Variants in NSD1 observed in about 807,000 individuals in gnomAD.
NSD1 encodes histone-lysine N-methyltransferase, H3 lysine-36 specific.
Under a neutral mutation model 242.7 loss-of-function variants are expected in NSD1, and 26 were observed. The ratio of observed to expected loss-of-function variants is 0.11; its 90% CI spans 0.08 to 0.15. The LOEUF is 0.15. NSD1 is among the 10% of genes least tolerant of loss of function. The probability of loss-of-function intolerance (pLI) is 1.00; values close to 1 mark genes in which losing one functional copy is unlikely to be tolerated. For synonymous variants in NSD1, 1,106 were observed against 1,178.1 expected (o/e 0.94, Z 1.25); for missense variants, 2,495 against 3,272.8 (o/e 0.76, Z 5.80).
intron 2 of NSD1, chr5:177,169,304 T>A (rs1028596553): frequency 2.0e-5 from 3 of 153,722 alleles, no homozygotes; most frequent in African/African-American, 7.3e-5. Flanking sequence ...AAACGACGAC[T>A]TTTTTTTTAG....
chr5:177,157,325 T>C (rs1412592987), intron 2 of NSD1, among the ~76,000 whole-genome samples: 2 of 152,018 alleles, frequency 1.3e-5, no homozygotes, highest in Non-Finnish European at 2.9e-5. Flanking sequence ...GAGATCGTGC[T>C]GTTGCACTCC....
intron 3 of NSD1, among the ~76,000 whole-genome samples, chr5:177,198,887 T>C (rs1762298990): frequency 6.6e-6 from 1 of 152,218 alleles, no homozygotes; most frequent in South Asian, 2.1e-4. Flanking sequence ...AACCCCATAC[T>C]CTTTAGCTTC....
chr5:177,273,848 C>A, intron 17 of NSD1, 64 bp downstream of exon 17: 1 of 1,050,062 alleles, frequency 9.5e-7, no homozygotes, highest in Non-Finnish European at 1.5e-6. Flanking sequence ...TCTTCCCACT[C>A]TGTTCATGAC....
At position 177,215,180 on chromosome 5, in the gene NSD1, AT is replaced by A. The variant is rs797009444; in HGVS notation, c.3796+3001del. 2.4e-3 allele frequency among the ~76,000 whole-genome samples: 342 copies of A among 140,690 alleles called. 1 individual carries two copies. Among genetic ancestry groups the A allele is most frequent in the Middle Eastern group, 3.6e-3 (1 of 278 alleles). The allele number at this position is 140,690 out of a possible 152,430, so 92.3% of individuals were successfully genotyped here. Reference sequence around the variant, plus strand: ...AGATATCTCTGAGATCTGGTTTTCAATTTTTTTTTTTTTTTTGAGATGGAGT... The same window carrying A: ...AGATATCTCTGAGATCTGGTTTTCAATTTTTTTTTTTTTTTGAGATGGAGT... On this transcript the variant is annotated intron_variant, in intron 5 of 22. Transcript: ENST00000439151.
Position 177,139,457 on chromosome 5 carries a change from A to G in NSD1, c.927+3427A>G, listed in dbSNP as rs531880886. Among the ~76,000 whole-genome samples, 3 of 152,186 alleles carry G rather than the reference A, an allele frequency of 2.0e-5. No individual in the cohort carries two copies. The East Asian group carries it at 5.8e-4, about 29-fold the overall frequency. On this transcript the variant is annotated intron_variant, in intron 2 of 22. Transcript: ENST00000439151. Reference sequence around the variant, plus strand: ...GAGACTCCATCTCAAAAAAAAAAAAAAAAAGCGGTCAATCTTAGAATGCAA... The same window carrying G: ...GAGACTCCATCTCAAAAAAAAAAAAGAAAAGCGGTCAATCTTAGAATGCAA...
At chr5:177,138,194 G>GT (rs201529803) in intron 2 of NSD1, among the ~76,000 whole-genome samples, 40 of 151,364 alleles carry the variant, frequency 2.6e-4, no homozygotes, top group South Asian at 8.4e-4. Context: ...AAATGTAGAA[G>GT]TTTTTTTTTC....
At chr5:177,254,786 T>C (rs1756292643) in intron 12 of NSD1, among the ~76,000 whole-genome samples, 1 of 39,320 alleles carries the variant, frequency 2.5e-5, no homozygotes, top group South Asian at 5.0e-4. Context: ...GTCTGTGATG[T>C]GTTTTGTATT....
Position 177,210,147 on chromosome 5 carries a change from A to G in NSD1, c.1748A>G (p.Glu583Gly). Residue 583 changes from glutamate (E) to glycine (G), a missense_variant, in exon 5 of 23, where the codon GAG becomes GGG. Around this residue, in one of 19 missense-constraint regions of NSD1, gnomAD observed 515 missense variants for 467.0 expected, o/e 1.10. Coordinates refer to ENST00000439151, the MANE Select transcript of NSD1 (RefSeq NM_022455.5). The stretch of plus-strand genomic sequence containing the variant: ...AAAAACACTGCAAAGAAAGAATTTG[A>G]GACTTCAAATGGTGACTCTTTATTG... ...CGKNTAKKEF[E>G]TSNGDSLLGL... 1 of 1,613,102 alleles carries G rather than the reference A, an allele frequency of 6.2e-7. No homozygotes were observed. The highest frequency in any genetic ancestry group is 8.5e-7 in the Non-Finnish European group (1 of 1,179,678).
intron 2 of NSD1, among the ~76,000 whole-genome samples, chr5:177,165,419 T>C (rs1412412004): frequency 6.6e-6 from 1 of 152,200 alleles, no homozygotes; most frequent in African/African-American, 2.4e-5. Flanking sequence ...TCTGCCTGTC[T>C]TGGCCTCCCA....
chr5:177,176,279 G>C lies in NSD1; in HGVS notation c.928-15605G>C, dbSNP rs1353233929. ...ATTCTTCTTCCTTTTTTTTTTTTGA[G>C]ATGGAGTTTCACGCTTTTTGCCTAG... On this transcript the variant is annotated intron_variant, in intron 2 of 22. Coordinates refer to ENST00000439151, the MANE Select transcript of NSD1 (RefSeq NM_022455.5). Among the ~76,000 whole-genome samples the C allele has an allele frequency of 4.0e-5, 6 of 149,306 alleles. No homozygotes were observed. The South Asian group carries it at 1.1e-3, about 26-fold the overall frequency.
At chr5:177,197,517 C>A (rs1581269476) in intron 3 of NSD1, among the ~76,000 whole-genome samples, 1 of 150,994 alleles carries the variant, frequency 6.6e-6, no homozygotes. Flanking sequence ...AGCTACTTGG[C>A]AGGCTGAGGC....
chr5:177,210,399 A>T lies in NSD1; in HGVS notation c.2000A>T (p.Asp667Val), dbSNP rs1384845521. 6.2e-7 allele frequency: 1 copy of T among 1,614,164 alleles called. No homozygotes were observed. Among genetic ancestry groups the T allele is most frequent in the Non-Finnish European group, 8.5e-7 (1 of 1,180,022 alleles). ...ESDNSVLEIPDAFDRTENMLS... is the reference protein window; with the variant it reads ...ESDNSVLEIPVAFDRTENMLS... ...GATAACAGTGTCCTTGAAATTCCAG[A>T]TGCTTTCGATAGAACAGAGAACATG... The change falls in exon 5 of 23, where the codon GAT becomes GTT. Residue 667 changes from aspartate to valine, a missense_variant. Asp to Val is a radical substitution (Grantham distance 152, BLOSUM62 -3). Around this residue, in one of 19 missense-constraint regions of NSD1, gnomAD observed 515 missense variants for 467.0 expected, o/e 1.10. Coordinates refer to ENST00000439151, the MANE Select transcript of NSD1 (RefSeq NM_022455.5).
At chr5:177,267,808 T>A in intron 15 of NSD1, 90 bp downstream of exon 15, 1 of 1,275,294 alleles carries the variant, frequency 7.8e-7, no homozygotes, top group Non-Finnish European at 1.1e-6. Flanking sequence ...TCTAATGATC[T>A]ACTTAATTAC....
At chr5:177,163,327 G>C (rs1046172514) in intron 2 of NSD1, among the ~76,000 whole-genome samples, 7 of 151,922 alleles carry the variant, frequency 4.6e-5, no homozygotes, top group Non-Finnish European at 7.4e-5. Context: ...ATTTTTAGTA[G>C]AGACGGGGTT....
At chr5:177,151,641 G>A (rs546694795) in intron 2 of NSD1, among the ~76,000 whole-genome samples, 3 of 150,810 alleles carry the variant, frequency 2.0e-5, no homozygotes, top group South Asian at 2.1e-4. Context: ...TGCCCGCCTC[G>A]GCTTCCCAAA....
intron 3 of NSD1, among the ~76,000 whole-genome samples, chr5:177,193,944 A>C (rs1036096401): frequency 6.6e-6 from 1 of 151,218 alleles, no homozygotes; most frequent in Non-Finnish European, 1.5e-5. Flanking sequence ...TGCCCAGCTA[A>C]TTTTTGTATT....
intron 22 of NSD1, among the ~76,000 whole-genome samples, chr5:177,293,171 T>C (rs1005654479): frequency 3.9e-5 from 6 of 152,092 alleles, no homozygotes; most frequent in South Asian, 2.1e-4. Flanking sequence ...TGGGAGCTGG[T>C]GTAGTTGATT....
intron 2 of NSD1, among the ~76,000 whole-genome samples, chr5:177,181,426 G>GTTTTTT (rs1554183364): frequency 2.5e-5 from 3 of 119,768 alleles, no homozygotes; most frequent in Admixed American, 7.8e-5. Flanking sequence ...GTTTTTTTTT[G>GTTTTTT]GTTTTTTTTT....
At chr5:177,190,370 C>G (rs1761566832) in intron 2 of NSD1, among the ~76,000 whole-genome samples, 1 of 152,162 alleles carries the variant, frequency 6.6e-6, no homozygotes, top group South Asian at 2.1e-4. Flanking sequence ...ACCTCTGCCT[C>G]CCTGGTTCAA....
Sources: gnomAD v4.1 joint callset for allele counts (sites outside exome capture counted in the v4.1 genomes callset) on GRCh38, gnomAD v4.1.1 for gene constraint, gnomAD v4.1.1 regional missense constraint, MANE v1.5 for transcripts, NCBI Gene and HGNC (gene_info 2026-07-23, HGNC 2026-07-21) for gene names.